The following VPS53 variants were observed in gnomAD, a reference collection of about 807,000 sequenced individuals.
The protein encoded by VPS53 is VPS53 subunit of GARP complex.
In VPS53, 70 loss-of-function variants were observed where a neutral mutation model predicts 107.0. The observed-to-expected ratio is 0.65, with a 90% CI of 0.54 to 0.80. VPS53 has a LOEUF of 0.80. Ranked by LOEUF, VPS53 falls within the 30% of genes least tolerant of loss-of-function variation. The pLI is 0.00. For synonymous variants in VPS53, 409 were observed against 393.3 expected, an observed-to-expected ratio of 1.04 and a Z score of -0.47; for missense variants, 917 against 1,049.4, an observed-to-expected ratio of 0.87 and a Z score of 1.74.
intron 10 of VPS53, 134 bp downstream of exon 10, chr17:627,040 G>C: frequency 5.0e-6 from 6 of 1,197,054 alleles, no homozygotes; most frequent in Non-Finnish European, 6.8e-6. Flanking sequence ...TGTGGGGTAC[G>C]AGGATGATAT....
intron 2 of VPS53, among the ~76,000 whole-genome samples, chr17:700,480 G>C (rs1002824039): frequency 6.6e-6 from 1 of 152,152 alleles, no homozygotes; most frequent in Non-Finnish European, 1.5e-5. Flanking sequence ...GAACCCGGGA[G>C]GCAGAGGTTG....
rs75468336 is a variant in VPS53, at chr17:656,278, C to T, written c.373-325G>A. Among the ~76,000 whole-genome samples the T allele has an allele frequency of 2.2e-3, 338 of 152,236 alleles. 8 individuals carry two copies. The East Asian group carries it at 0.055, about 25-fold the overall frequency. The stretch of plus-strand genomic sequence containing the variant: ...AGAGGAGGTAAGCACAGCACCTTTC[C>T]TTGAACAAGGTGAGGAAAGTGTGCC... On this transcript the variant is annotated intron_variant, in intron 5 of 21. Coordinates refer to ENST00000437048, the MANE Select transcript of VPS53 (RefSeq NM_001128159.3).
intron 4 of VPS53, among the ~76,000 whole-genome samples, chr17:664,272 G>A (rs1342452169): frequency 1.3e-5 from 2 of 152,094 alleles, no homozygotes; most frequent in African/African-American, 4.8e-5. Context: ...TAGAGACGGG[G>A]TTTCACCGTG....
intron 8 of VPS53, 32 bp downstream of exon 8, chr17:631,518 T>A: frequency 1.2e-6 from 2 of 1,607,844 alleles, no homozygotes; most frequent in Non-Finnish European, 1.7e-6. Flanking sequence ...ATGGTGATCA[T>A]CTCTAAAGAC....
At chr17:701,973 C>T (rs1973217734) in intron 2 of VPS53, among the ~76,000 whole-genome samples, 1 of 152,192 alleles carries the variant, frequency 6.6e-6, no homozygotes, top group Non-Finnish European at 1.5e-5. Context: ...AAGCAATGCT[C>T]CCGCCTTGGC....
rs1379726385 is a variant in VPS53, at chr17:512,366, A to T, written c.*6762T>A. 1 of 152,072 alleles carries T rather than the reference A, an allele frequency of 6.6e-6. No individual in the cohort carries two copies. Among genetic ancestry groups the T allele is most frequent in the Non-Finnish European group, 1.5e-5 (1 of 68,014 alleles). The allele number at this position is 152,072 out of a possible 1,614,324, so 9.4% of individuals were successfully genotyped here. ...AAAATGGATGCTCAGGGGATCAGTG[A>T]CTCGCCTGGTGTCAAAGTGCCAGGT... is the stretch of plus-strand genomic sequence containing the variant. On this transcript the variant is annotated 3_prime_UTR_variant, in exon 22 of 22. Transcript: ENST00000437048.
At chr17:709,929 G>A (rs923472575) in intron 2 of VPS53, among the ~76,000 whole-genome samples, 4 of 152,060 alleles carry the variant, frequency 2.6e-5, no homozygotes, top group Non-Finnish European at 5.9e-5. Context: ...GGTGGATCAC[G>A]AGGTCAGGAG....
chr17:510,489 G>GGCTTACTAGTCCCATATGA lies in VPS53; in HGVS notation c.*8638_*8639insTCATATGGGACTAGTAAGC, dbSNP rs1567587694. ...GCTGACCCCTTACTAGTCACATATT[G>GGCTTACTAGTCCCATATGA]AATCCTGGCTGACCCCTTACTAGTC... On this transcript the variant is annotated 3_prime_UTR_variant, in exon 22 of 22. Transcript: ENST00000437048. The GGCTTACTAGTCCCATATGA allele has an allele frequency of 2.5e-5, 1 of 39,982 alleles. No individual in the cohort carries two copies. The highest frequency in any genetic ancestry group is 2.2e-4 in the African/African-American group (1 of 4,606). 2.5% of individuals were successfully genotyped at this position (39,982 alleles called of 1,614,324 possible).
At chr17:592,696 A>C (rs1408145687) in intron 12 of VPS53, among the ~76,000 whole-genome samples, 1 of 151,944 alleles carries the variant, frequency 6.6e-6, no homozygotes, top group Non-Finnish European at 1.5e-5. Context: ...AATTCTTTTA[A>C]GAATGTTGAA....
At chr17:573,686 T>A (rs56773919) in intron 13 of VPS53, among the ~76,000 whole-genome samples, 22 of 152,126 alleles carry the variant, frequency 1.4e-4, no homozygotes, top group Non-Finnish European at 2.4e-4. Context: ...GGCCTTATGA[T>A]CCTCACAGTG....
Position 608,878 on chromosome 17 carries a change from G to A in VPS53, c.1117-6982C>T, listed in dbSNP as rs961082518. Among the ~76,000 whole-genome samples, 8 of 151,482 alleles carry A rather than the reference G, an allele frequency of 5.3e-5. No individual in the cohort carries two copies. In the South Asian group the frequency reaches 1.0e-3, roughly 20 times the overall value. On this transcript the variant is annotated intron_variant, in intron 11 of 21. Transcript: ENST00000437048. Reference sequence around the variant, plus strand: ...CCTGCCCACCTCGGCCTCCCAAAGCGCTGGGATTTTAGGCATGAGCCATTA... The same window carrying A: ...CCTGCCCACCTCGGCCTCCCAAAGCACTGGGATTTTAGGCATGAGCCATTA...
chr17:522,943 C>T (rs1045425738), intron 19 of VPS53: 2 of 152,142 alleles, frequency 1.3e-5, no homozygotes, highest in African/African-American at 4.8e-5. Context: ...TCTCATGCAA[C>T]GGACGGGGTT....
At chr17:597,809 A>T (rs935572823) in intron 12 of VPS53, among the ~76,000 whole-genome samples, 1 of 152,066 alleles carries the variant, frequency 6.6e-6, no homozygotes, top group Non-Finnish European at 1.5e-5. Flanking sequence ...ACCTCAGGTG[A>T]TCGGCCTGCC....
intron 11 of VPS53, among the ~76,000 whole-genome samples, chr17:610,467 G>A (rs1267180043): frequency 5.9e-5 from 9 of 152,078 alleles, no homozygotes; most frequent in South Asian, 2.1e-4. Flanking sequence ...CTTGGATTAC[G>A]TAACAGTTTC....
intron 4 of VPS53, among the ~76,000 whole-genome samples, chr17:692,034 C>A (rs1197213382): frequency 6.6e-6 from 1 of 152,176 alleles, no homozygotes; most frequent in Non-Finnish European, 1.5e-5. Flanking sequence ...AAACCTTACT[C>A]TTGTTCTGAT....
intron 4 of VPS53, among the ~76,000 whole-genome samples, chr17:668,818 G>A (rs528566385): frequency 6.6e-6 from 1 of 152,262 alleles, no homozygotes; most frequent in African/African-American, 2.4e-5. Flanking sequence ...CTATCTCAGA[G>A]AAAGGGTTTC....
chr17:625,270 T>C (rs1969652332), intron 10 of VPS53, among the ~76,000 whole-genome samples: 1 of 152,000 alleles, frequency 6.6e-6, no homozygotes, highest in Non-Finnish European at 1.5e-5. Context: ...ATTATAGGCA[T>C]AAACCACCAA....
At chr17:552,310 C>T (rs774220543) in intron 16 of VPS53, among the ~76,000 whole-genome samples, 4 of 137,880 alleles carry the variant, frequency 2.9e-5, no homozygotes, top group Non-Finnish European at 3.3e-5. Context: ...TTTGATTCTT[C>T]GTCAATAAGT....
At chr17:712,573 T>A (rs1042127685) in intron 1 of VPS53, among the ~76,000 whole-genome samples, 6 of 152,134 alleles carry the variant, frequency 3.9e-5, no homozygotes, top group Non-Finnish European at 5.9e-5. Context: ...ACATCACTAC[T>A]CTTTACAAGT....
Sources: allele counts gnomAD v4.1 joint callset (sites outside exome capture counted in the v4.1 genomes callset), GRCh38; gene constraint gnomAD v4.1.1; transcripts MANE v1.5; gene names NCBI Gene and HGNC (gene_info 2026-07-23, HGNC 2026-07-21).